The following STRN3 variants were observed in gnomAD, a reference collection of about 807,000 sequenced individuals.
STRN3 encodes the protein striatin-3.
In STRN3, 29 loss-of-function variants were observed where a neutral mutation model predicts 95.6. The ratio of observed to expected loss-of-function variants is 0.30; its 90% CI spans 0.23 to 0.41. STRN3 has a LOEUF of 0.41. Ranked by LOEUF, STRN3 falls within the 10% of genes least tolerant of loss-of-function variation. STRN3 has a pLI of 1.00. For synonymous variants in STRN3, 331 were observed against 357.6 expected, an observed-to-expected ratio of 0.93 and a Z score of 0.84; for missense variants, 890 against 972.1, an observed-to-expected ratio of 0.92 and a Z score of 1.12.
At chr14:30,985,810 G>A (rs1384458991) in intron 1 of STRN3, among the ~76,000 whole-genome samples, 1 of 152,066 alleles carries the variant, frequency 6.6e-6, no homozygotes, top group Non-Finnish European at 1.5e-5. Flanking sequence ...GTTTGCACAC[G>A]TATCTTTTGC....
At chr14:30,998,989 A>C (rs1955564) in intron 1 of STRN3, among the ~76,000 whole-genome samples, 5,032 of 152,304 alleles carry the variant, frequency 0.033, 292 homozygotes, top group African/African-American at 0.12. Context: ...GCAGAAAAAC[A>C]AGTAGGACCT....
At chr14:30,958,940 A>G (rs1323297823) in intron 1 of STRN3, among the ~76,000 whole-genome samples, 1 of 152,242 alleles carries the variant, frequency 6.6e-6, no homozygotes, top group African/African-American at 2.4e-5. Flanking sequence ...CAAAAATTCC[A>G]AAGCGGTACT....
In STRN3 at chr14:30,919,126, G is replaced by GT; in HGVS notation, c.1100-21dup. 6.3e-7 allele frequency: 1 copy of GT among 1,579,156 alleles called. No homozygotes were observed. The highest frequency in any genetic ancestry group is 8.6e-7 in the Non-Finnish European group (1 of 1,160,528). On this transcript the variant is annotated intron_variant, in intron 8 of 17. Transcript: ENST00000357479. ...TGGCCCCTGTAAATTAATGTCAGCAGTAGAGGTTCATTTAATGGCTACCGC... is the reference window on the plus strand; with the variant it reads ...TGGCCCCTGTAAATTAATGTCAGCAGTTAGAGGTTCATTTAATGGCTACCGC...
At chr14:30,907,084 A>T in intron 13 of STRN3, 40 bp from the exon 14 acceptor site, 3 of 1,589,330 alleles carry the variant, frequency 1.9e-6, no homozygotes, top group Non-Finnish European at 2.6e-6. Context: ...AGGTAAAAGA[A>T]GTTTAAAAGA....
intron 1 of STRN3, chr14:31,018,507 T>C (rs1167312161): frequency 7.0e-6 from 3 of 427,362 alleles, no homozygotes; most frequent in Non-Finnish European, 1.4e-5. Context: ...TCTAGGGAAC[T>C]TGGATGCGAA....
At chr14:31,017,935 G>C (rs1455305546) in intron 1 of STRN3, among the ~76,000 whole-genome samples, 1 of 151,792 alleles carries the variant, frequency 6.6e-6, no homozygotes, top group Non-Finnish European at 1.5e-5. Flanking sequence ...ATAATTAGCT[G>C]GGCATGGTGG....
intron 1 of STRN3, among the ~76,000 whole-genome samples, chr14:30,992,873 G>A (rs72670303): frequency 0.11 from 16,257 of 151,994 alleles, 1,057 homozygotes; most frequent in South Asian, 0.29. Context: ...AAATAGTGGG[G>A]AGGACAGGGT....
At chr14:30,929,960 A>AAAAAACAAAAAC (rs1555317349) in intron 7 of STRN3, among the ~76,000 whole-genome samples, 1 of 142,864 alleles carries the variant, frequency 7.0e-6, no homozygotes, top group African/African-American at 2.6e-5. Context: ...TTAGCAAAAA[A>AAAAAACAAAAAC]AAAAAAAAAA....
intron 8 of STRN3, among the ~76,000 whole-genome samples, chr14:30,923,164 TA>T (rs1566437466): frequency 6.6e-6 from 1 of 152,226 alleles, no homozygotes; most frequent in African/African-American, 2.4e-5. Flanking sequence ...AAGGTGTTTT[TA>T]AAAGCCTACT....
chr14:30,923,625 G>GAA (rs972401307), intron 8 of STRN3, among the ~76,000 whole-genome samples: 37 of 152,220 alleles, frequency 2.4e-4, no homozygotes, highest in African/African-American at 8.7e-4. Flanking sequence ...TTAAAATGGG[G>GAA]AAAGCCTATA....
intron 1 of STRN3, chr14:31,018,422 T>C (rs1213952699): frequency 2.9e-5 from 11 of 375,924 alleles, no homozygotes; most frequent in Non-Finnish European, 5.1e-5. Context: ...AAGCGAACTT[T>C]ATTCTTTCTC....
intron 4 of STRN3, among the ~76,000 whole-genome samples, chr14:30,949,547 G>C (rs1025110361): frequency 1.2e-4 from 19 of 152,184 alleles, no homozygotes; most frequent in Non-Finnish European, 2.5e-4. Flanking sequence ...GGAGGCGGAG[G>C]TTGCAGTGAG....
intron 14 of STRN3, 41 bp downstream of exon 14, chr14:30,906,836 T>TA (rs754647353): frequency 1.3e-6 from 2 of 1,581,928 alleles, no homozygotes; most frequent in South Asian, 1.2e-5. Flanking sequence ...TCCAATTTTT[T>TA]AAAAAAACTA....
chr14:30,900,131 G>A (rs944376825), intron 16 of STRN3, among the ~76,000 whole-genome samples: 13 of 152,094 alleles, frequency 8.5e-5, no homozygotes, highest in African/African-American at 2.9e-4. Context: ...GCCAAGGTGG[G>A]CGGATCACCT....
chr14:30,977,793 C>G (rs71417937), intron 1 of STRN3, among the ~76,000 whole-genome samples: 1 of 27,626 alleles, frequency 3.6e-5, no homozygotes, highest in Non-Finnish European at 6.5e-5. Flanking sequence ...GACTCTATCT[C>G]GAAAAAAAAA....
chr14:30,918,268 G>T (rs1037318370), intron 9 of STRN3, among the ~76,000 whole-genome samples: 14 of 152,042 alleles, frequency 9.2e-5, no homozygotes, highest in Admixed American at 2.6e-4. Context: ...AGCGCCTTGG[G>T]AGCCAAGGTA....
intron 1 of STRN3, 138 bp from the exon 2 acceptor site, chr14:30,956,380 C>A (rs1879905396): frequency 3.9e-6 from 3 of 761,852 alleles, no homozygotes; most frequent in Non-Finnish European, 6.3e-6. Context: ...ACGGGCCAGG[C>A]AATGGCTCAC....
intron 1 of STRN3, among the ~76,000 whole-genome samples, chr14:30,968,478 G>A (rs909203336): frequency 2.5e-4 from 38 of 151,328 alleles, no homozygotes; most frequent in African/African-American, 9.2e-4. Flanking sequence ...TCAGGAGATC[G>A]AGACCACCCT....
intron 1 of STRN3, among the ~76,000 whole-genome samples, chr14:30,975,750 T>C (rs1177768423): frequency 6.6e-6 from 1 of 151,038 alleles, no homozygotes; most frequent in Non-Finnish European, 1.5e-5. Context: ...AGAGGACCAC[T>C]TGAACCCAGG....
Sources: gnomAD v4.1 joint callset for allele counts (sites outside exome capture counted in the v4.1 genomes callset) on GRCh38, gnomAD v4.1.1 for gene constraint, MANE v1.5 for transcripts, NCBI Gene and HGNC (gene_info 2026-07-23, HGNC 2026-07-21) for gene names.